Variants in ZNF516 observed in about 807,000 individuals in gnomAD.
ZNF516 encodes the protein zinc finger protein 516.
A neutral mutation model predicts 79.7 loss-of-function variants in ZNF516; 19 were observed. The ratio of observed to expected loss-of-function variants is 0.24; its 90% confidence interval spans 0.17 to 0.35. The LOEUF is 0.35. Among genes scored for constraint, ZNF516 ranks in the 10% least tolerant of loss-of-function variants. The probability of loss-of-function intolerance (pLI) is 1.00; values close to 1 mark genes in which losing one functional copy is unlikely to be tolerated. For synonymous variants in ZNF516, 877 were observed against 739.5 expected (o/e 1.19, Z -3.02); for missense variants, 1,678 against 1,679.5 (o/e 1.00, Z 0.02).
chr18:76,495,891 C>G (rs1356324960), upstream of ZNF516: 1 of 434,712 alleles, frequency 2.3e-6, no homozygotes, highest in African/African-American at 2.2e-5. Context: ...AGTCCTGAAT[C>G]AAGGGTCACA....
At position 76,493,956 on chromosome 18, in the gene ZNF516, C is replaced by G. The variant is rs1915370871; in HGVS notation, c.-272+1188G>C. 6.6e-6 allele frequency: 1 copy of G among 152,148 alleles called. No individual in the cohort carries two copies. Among genetic ancestry groups the G allele is most frequent in the Non-Finnish European group, 1.5e-5 (1 of 68,030 alleles). 9.4% of individuals were successfully genotyped at this position (152,148 alleles called of 1,614,324 possible). The stretch of plus-strand genomic sequence containing the variant: ...AGTTGATCTTTGCACACCCGGAGAC[C>G]CGGTGACTCTTTATCAGCGGAATGA... On this transcript the variant is annotated intron_variant, in intron 1 of 6. Transcript: ENST00000443185. The surrounding 1 kb of genome is among the most constrained non-coding windows in gnomAD (Gnocchi z 5.2).
chr18:76,482,667 C>T (rs1360261525), intron 1 of ZNF516, among the ~76,000 whole-genome samples: 1 of 152,194 alleles, frequency 6.6e-6, no homozygotes, highest in Non-Finnish European at 1.5e-5. Flanking sequence ...GGGAAGGCAG[C>T]CCTGTCGTAA....
chr18:76,377,793 G>A (rs1250590583), intron 4 of ZNF516, among the ~76,000 whole-genome samples: 1 of 146,500 alleles, frequency 6.8e-6, no homozygotes, highest in African/African-American at 2.5e-5. Flanking sequence ...TCTACTCACT[G>A]CAACCTCCGC....
At chr18:76,407,314 A>C (rs1599040738) in intron 3 of ZNF516, among the ~76,000 whole-genome samples, 1 of 152,268 alleles carries the variant, frequency 6.6e-6, no homozygotes, top group African/African-American at 2.4e-5. Flanking sequence ...TGTTTCAGCT[A>C]CTCGAACAGC....
intron 3 of ZNF516, among the ~76,000 whole-genome samples, chr18:76,440,169 A>C (rs2075796708): frequency 6.6e-6 from 1 of 152,052 alleles, no homozygotes; most frequent in Non-Finnish European, 1.5e-5. Flanking sequence ...TTGTTGACTC[A>C]ATATGCATTT....
chr18:76,470,753 G>A (rs574524877), intron 1 of ZNF516, among the ~76,000 whole-genome samples: 18 of 152,278 alleles, frequency 1.2e-4, no homozygotes, highest in African/African-American at 3.9e-4. Flanking sequence ...GGTGGCTACC[G>A]CCTGTAATCC....
rs1277543123 is a variant in ZNF516, at chr18:76,441,593, C to T, written c.1462G>A (p.Ala488Thr). ...CGGGGATCGAGGTGGCCGGCGGGCG[C>T]GGGGTCCCCAGGCCCGCTCGCGCGC... ...RKRASGPGDP[A>T]PAGHLDPRSA... The change falls in exon 3 of 7, where the codon GCG (alanine) becomes ACG (threonine). Residue 488 changes from alanine (A) to threonine (T), a missense_variant. Physicochemically the swap from Ala to Thr is moderately conservative, Grantham distance 58. This residue lies in a region of ZNF516 where 1,294 missense variants were observed against 1,248.3 expected (regional missense o/e 1.04). Coordinates refer to ENST00000443185, the MANE Select transcript of ZNF516 (RefSeq NM_014643.4). 8.3e-6 allele frequency: 12 copies of T among 1,438,732 alleles called. No homozygotes were observed. In the African/African-American group the frequency reaches 1.5e-4, roughly 18 times the overall value. The allele number at this position is 1,438,732 out of a possible 1,614,324, so 89.1% of individuals were successfully genotyped here.
At chr18:76,460,487 C>A (rs1410409524) in intron 2 of ZNF516, among the ~76,000 whole-genome samples, 1 of 152,164 alleles carries the variant, frequency 6.6e-6, no homozygotes, top group Admixed American at 6.5e-5. Context: ...ACAAAAGCGA[C>A]CACTGTGGCC....
intron 3 of ZNF516, among the ~76,000 whole-genome samples, chr18:76,400,463 C>T (rs567198401): frequency 6.6e-6 from 1 of 152,256 alleles, no homozygotes; most frequent in South Asian, 2.1e-4. Flanking sequence ...TTTTAGGACA[C>T]TAAATAAACA....
chr18:76,431,880 A>C (rs2075665874), intron 3 of ZNF516, among the ~76,000 whole-genome samples: 1 of 152,226 alleles, frequency 6.6e-6, no homozygotes, highest in Non-Finnish European at 1.5e-5. Context: ...ATTCCTTTAC[A>C]GAAACACAAG....
rs2074582776 is a variant in ZNF516, at chr18:76,364,322, GCC to G, written c.3433-1767_3433-1766del. Among the ~76,000 whole-genome samples the G allele has an allele frequency of 2.6e-5, 4 of 152,254 alleles. No individual in the cohort carries two copies. The South Asian group carries it at 8.3e-4, about 32-fold the overall frequency. On this transcript the variant is annotated intron_variant, in intron 6 of 6. Transcript: ENST00000443185. ...CACCATGTTATTATTCAATAAAGCA[GCC>G]CTAGAGCATTTTTAAGAAATGAATA...
chr18:76,457,333 G>A (rs1321753988), intron 2 of ZNF516, among the ~76,000 whole-genome samples: 1 of 152,224 alleles, frequency 6.6e-6, no homozygotes, highest in Non-Finnish European at 1.5e-5. Context: ...GAGAAGGGCA[G>A]TTATCTCAAA....
At chr18:76,488,756 T>C (rs1015484031) in intron 1 of ZNF516, among the ~76,000 whole-genome samples, 5 of 152,240 alleles carry the variant, frequency 3.3e-5, no homozygotes, top group Admixed American at 2.6e-4. Context: ...ATTAAATCCA[T>C]GTCTATCACT....
intron 4 of ZNF516, among the ~76,000 whole-genome samples, chr18:76,375,634 A>G (rs1187237296): frequency 1.3e-5 from 2 of 149,688 alleles, no homozygotes; most frequent in Non-Finnish European, 3.0e-5. Flanking sequence ...AGACCTGGGA[A>G]GGCCCAAGAT....
intron 3 of ZNF516, among the ~76,000 whole-genome samples, chr18:76,390,163 G>C (rs1366797670): frequency 6.6e-6 from 1 of 152,184 alleles, no homozygotes; most frequent in African/African-American, 2.4e-5. Flanking sequence ...GACCCCGGAG[G>C]CCTGTGCATT....
At chr18:76,439,839 T>C (rs949893188) in intron 3 of ZNF516, among the ~76,000 whole-genome samples, 2 of 152,086 alleles carry the variant, frequency 1.3e-5, no homozygotes, top group African/African-American at 4.8e-5. Context: ...TACTGGAACA[T>C]AACCAGTAAA....
At chr18:76,417,664 A>C (rs1293301683) in intron 3 of ZNF516, among the ~76,000 whole-genome samples, 1 of 152,236 alleles carries the variant, frequency 6.6e-6, no homozygotes, top group Non-Finnish European at 1.5e-5. Context: ...GATGTAATTA[A>C]CTATATTAAC....
chr18:76,473,458 G>A (rs998692736), intron 1 of ZNF516, among the ~76,000 whole-genome samples: 1 of 151,034 alleles, frequency 6.6e-6, no homozygotes, highest in Non-Finnish European at 1.5e-5. Flanking sequence ...AAGCAACATG[G>A]AAAAAATATA....
intron 6 of ZNF516, among the ~76,000 whole-genome samples, chr18:76,370,297 C>T (rs908067973): frequency 1.3e-5 from 2 of 152,222 alleles, no homozygotes; most frequent in Admixed American, 1.3e-4. Flanking sequence ...ATACAACCAA[C>T]AACCAGCTGT....
Sources: gnomAD v4.1 joint callset for allele counts (sites outside exome capture counted in the v4.1 genomes callset) on GRCh38, gnomAD v4.1.1 for gene constraint, gnomAD v4.1.1 regional missense constraint, Gnocchi (gnomAD v3.1) non-coding constraint, MANE v1.5 for transcripts, NCBI Gene and HGNC (gene_info 2026-07-23, HGNC 2026-07-21) for gene names.